The following COL25A1 variants were observed in gnomAD, a reference collection of about 807,000 sequenced individuals.
COL25A1 encodes the protein collagen type XXV alpha 1 chain, also known as collagen alpha-1(XXV) chain.
In COL25A1, 103 loss-of-function variants were observed where a neutral mutation model predicts 128.4. The ratio of observed to expected loss-of-function variants is 0.80; its 90% confidence interval spans 0.68 to 0.94. The LOEUF (loss-of-function observed/expected upper bound fraction) is 0.94. Ranked by LOEUF, COL25A1 falls within the 40% of genes least tolerant of loss-of-function variation. The probability of loss-of-function intolerance (pLI) is 0.00; values close to 1 mark genes in which losing one functional copy is unlikely to be tolerated. For synonymous variants in COL25A1, 279 were observed against 277.2 expected (o/e 1.01, Z -0.06); for missense variants, 745 against 840.0 (o/e 0.89, Z 1.40).
intron 3 of COL25A1, among the ~76,000 whole-genome samples, chr4:109,053,969 G>C (rs1172165196): frequency 6.6e-6 from 1 of 152,140 alleles, no homozygotes; most frequent in Non-Finnish European, 1.5e-5. Context: ...CGAGAATAGG[G>C]AGAAGGTGGC....
At chr4:109,133,081 C>T (rs773110259) in intron 3 of COL25A1, among the ~76,000 whole-genome samples, 6 of 151,964 alleles carry the variant, frequency 3.9e-5, no homozygotes, top group Admixed American at 6.6e-5. Flanking sequence ...AATTAGAACA[C>T]CATCTACTAC....
chr4:109,189,547 C>CAAAAAAA (rs33989375), intron 3 of COL25A1, among the ~76,000 whole-genome samples: 3 of 53,596 alleles, frequency 5.6e-5, no homozygotes, highest in Admixed American at 2.2e-4. Context: ...GACTCCATCT[C>CAAAAAAA]AAAAAAAAAA....
At chr4:108,889,832 A>T (rs72668354) in intron 16 of COL25A1, 99 bp from the exon 17 acceptor site, 186,676 of 1,015,102 alleles carry the variant, frequency 0.18, 20,337 homozygotes, top group Non-Finnish European at 0.22. Context: ...CTCAAAGGGT[A>T]TCTCATGACT....
chr4:108,921,818 A>G (rs1056458042), intron 11 of COL25A1, among the ~76,000 whole-genome samples: 4 of 152,036 alleles, frequency 2.6e-5, no homozygotes, highest in African/African-American at 9.7e-5. Flanking sequence ...TACTCAACCA[A>G]CTGTTTAATG....
intron 3 of COL25A1, among the ~76,000 whole-genome samples, chr4:109,215,359 T>A (rs2126202328): frequency 6.6e-6 from 1 of 152,290 alleles, no homozygotes; most frequent in South Asian, 2.1e-4. Flanking sequence ...CTGGGCTATG[T>A]AGCTCACAAC....
intron 3 of COL25A1, among the ~76,000 whole-genome samples, chr4:109,266,821 T>C (rs1781832460): frequency 6.6e-6 from 1 of 152,202 alleles, no homozygotes; most frequent in Non-Finnish European, 1.5e-5. Context: ...AACCCATGAC[T>C]TTTGTGCTGT....
chr4:109,175,695 AT>A (rs1440270151), intron 3 of COL25A1, among the ~76,000 whole-genome samples: 1 of 152,234 alleles, frequency 6.6e-6, no homozygotes, highest in Non-Finnish European at 1.5e-5. Context: ...ATATTTCAAT[AT>A]CTATTGAACT....
rs140193854 is a variant in COL25A1 at position 109,131,342 on chromosome 4, G to A, written c.368-81163C>T. On this transcript the variant is annotated intron_variant, in intron 3 of 37. Coordinates refer to ENST00000399132, the MANE Select transcript of COL25A1 (RefSeq NM_198721.4). The stretch of plus-strand genomic sequence containing the variant: ...GAATTTAAAATTACATATGTGGTTC[G>A]CATTGTATTTCCATTGGACAGTATT... Among the ~76,000 whole-genome samples, 575 of 152,152 alleles carry A rather than the reference G, an allele frequency of 3.8e-3. 8 individuals are homozygous for A. The highest frequency in any genetic ancestry group is 0.013 in the African/African-American group (531 of 41,522).
intron 3 of COL25A1, among the ~76,000 whole-genome samples, chr4:109,110,923 C>A (rs1195107813): frequency 6.6e-6 from 1 of 152,186 alleles, no homozygotes; most frequent in Non-Finnish European, 1.5e-5. Flanking sequence ...CTCCATGATT[C>A]CAATTCCAAC....
intron 26 of COL25A1, among the ~76,000 whole-genome samples, chr4:108,851,877 T>C (rs886902714): frequency 6.6e-6 from 1 of 152,180 alleles, no homozygotes; most frequent in Non-Finnish European, 1.5e-5. Context: ...TGGTGTCAAG[T>C]TAAATTTTCT....
rs774336407 is a variant in COL25A1 at position 108,888,275 on chromosome 4, C to G, written c.975+946G>C. The stretch of plus-strand genomic sequence containing the variant: ...AGAAGTTGGAAACCTTATTTTACTA[C>G]ATCTTCAGGTTCCAAAATACAAGAA... On this transcript the variant is annotated intron_variant, in intron 18 of 37. Transcript: ENST00000399132. Among the ~76,000 whole-genome samples, 3 of 152,154 alleles carry G rather than the reference C, an allele frequency of 2.0e-5. No homozygotes were observed. In the South Asian group the frequency reaches 6.2e-4, roughly 31 times the overall value.
intron 18 of COL25A1, among the ~76,000 whole-genome samples, chr4:108,885,653 G>C (rs1740685032): frequency 6.6e-6 from 1 of 152,086 alleles, no homozygotes; most frequent in South Asian, 2.1e-4. Context: ...CCAGTAAAAA[G>C]AGCTTGTACA....
chr4:108,852,154 C>T, intron 26 of COL25A1, 82 bp downstream of exon 26: 2 of 1,096,742 alleles, frequency 1.8e-6, no homozygotes, highest in Non-Finnish European at 2.7e-6. Context: ...TTTTGTAAGA[C>T]TGATTTTCAA....
In COL25A1 at chr4:108,811,259, A is replaced by G. The variant is rs1489975816; in HGVS notation, c.*2668T>C. ...TTAAGACCTAGCAATTCCACTGAAC[A>G]AGGAGGAGTATTTCCATCCCTTTGT... On this transcript the variant is annotated 3_prime_UTR_variant, in exon 38 of 38. Coordinates refer to ENST00000399132, the MANE Select transcript of COL25A1 (RefSeq NM_198721.4). The G allele has an allele frequency of 1.3e-5, 2 of 152,076 alleles. No homozygotes were observed. The highest frequency in any genetic ancestry group is 2.4e-5 in the African/African-American group (1 of 41,436). 9.4% of individuals were successfully genotyped at this position (152,076 alleles called of 1,614,324 possible).
At chr4:109,000,942 G>A (rs1755308778) in intron 6 of COL25A1, among the ~76,000 whole-genome samples, 1 of 151,880 alleles carries the variant, frequency 6.6e-6, no homozygotes, top group Non-Finnish European at 1.5e-5. Flanking sequence ...AAAGGCTACT[G>A]GAAGAAAAGG....
intron 3 of COL25A1, among the ~76,000 whole-genome samples, chr4:109,132,467 C>A (rs1009425480): frequency 6.6e-6 from 1 of 151,918 alleles, no homozygotes; most frequent in East Asian, 1.9e-4. Flanking sequence ...TTAATCCTGA[C>A]AATATATAAG....
At position 108,932,603 on chromosome 4, in the gene COL25A1, A is replaced by G. The variant is rs187292823; in HGVS notation, c.708+5205T>C. Among the ~76,000 whole-genome samples the G allele has an allele frequency of 2.6e-5, 4 of 152,300 alleles. No homozygotes were observed. The East Asian group carries it at 7.7e-4, about 29-fold the overall frequency. The stretch of plus-strand genomic sequence containing the variant: ...AGGAATAAAGAGTTTCAGAACAGGA[A>G]AGTGATTTGGTTTTTGAAACCTTGG... On this transcript the variant is annotated intron_variant, in intron 11 of 37. Transcript: ENST00000399132.
At chr4:108,971,166 C>T (rs1372468657) in intron 8 of COL25A1, among the ~76,000 whole-genome samples, 5 of 152,084 alleles carry the variant, frequency 3.3e-5, no homozygotes. Flanking sequence ...CTTGGTATAT[C>T]TATTTGAGGG....
chr4:108,912,436 C>T (rs1351312409), intron 13 of COL25A1, among the ~76,000 whole-genome samples: 1 of 152,136 alleles, frequency 6.6e-6, no homozygotes, highest in Non-Finnish European at 1.5e-5. Flanking sequence ...CCTTGAACTA[C>T]TAACTAATCT....
Sources: allele counts gnomAD v4.1 joint callset (sites outside exome capture counted in the v4.1 genomes callset), GRCh38; gene constraint gnomAD v4.1.1; transcripts MANE v1.5; gene names NCBI Gene and HGNC (gene_info 2026-07-23, HGNC 2026-07-21).